The following CFAP299 variants were observed in gnomAD, a reference collection of about 807,000 sequenced individuals.
CFAP299 encodes the protein cilia- and flagella-associated protein 299.
Under a neutral mutation model 27.0 loss-of-function variants are expected in CFAP299, and 21 were observed. The observed-to-expected ratio is 0.78, with a 90% CI of 0.55 to 1.12. The LOEUF (loss-of-function observed/expected upper bound fraction) is 1.12. Ranked by LOEUF, CFAP299 falls within the 50% of genes most tolerant of loss-of-function variation. CFAP299 has a pLI of 0.00. For synonymous variants in CFAP299, 104 were observed against 98.1 expected, an observed-to-expected ratio of 1.06 and a Z score of -0.36; for missense variants, 310 against 276.6, an observed-to-expected ratio of 1.12 and a Z score of -0.86.
intron 3 of CFAP299, among the ~76,000 whole-genome samples, chr4:80,676,609 T>A (rs1719476059): frequency 6.6e-6 from 1 of 152,128 alleles, no homozygotes; most frequent in Non-Finnish European, 1.5e-5. Context: ...AAGACTTTTT[T>A]ATTATAGCTT....
chr4:80,875,042 G>A (rs148682122), intron 4 of CFAP299, among the ~76,000 whole-genome samples: 2 of 151,560 alleles, frequency 1.3e-5, no homozygotes, highest in African/African-American at 2.4e-5. Context: ...TTTTTAATGC[G>A]ACTACTAGAA....
chr4:80,788,004 A>G (rs1025950840), intron 3 of CFAP299, among the ~76,000 whole-genome samples: 1 of 151,946 alleles, frequency 6.6e-6, no homozygotes, highest in African/African-American at 2.4e-5. Context: ...AAAATTACTA[A>G]AATACAGATT....
At chr4:80,455,448 A>C (rs1483940612) in intron 2 of CFAP299, among the ~76,000 whole-genome samples, 1 of 152,158 alleles carries the variant, frequency 6.6e-6, no homozygotes, top group African/African-American at 2.4e-5. Context: ...ATACATATTA[A>C]TAAACTCCCT....
At chr4:80,672,176 C>T (rs928409504) in intron 3 of CFAP299, among the ~76,000 whole-genome samples, 1 of 152,224 alleles carries the variant, frequency 6.6e-6, no homozygotes, top group Admixed American at 6.5e-5. Flanking sequence ...CAGATATGTT[C>T]CATCAATACC....
intron 3 of CFAP299, among the ~76,000 whole-genome samples, chr4:80,729,610 T>G (rs912904043): frequency 7.0e-6 from 1 of 142,364 alleles, no homozygotes; most frequent in Non-Finnish European, 1.5e-5. Flanking sequence ...TTTTTTTTTT[T>G]TTTTTTTGAG....
At chr4:80,346,612 C>G (rs771949532) in intron 1 of CFAP299, among the ~76,000 whole-genome samples, 26 of 148,960 alleles carry the variant, frequency 1.7e-4, no homozygotes, top group Non-Finnish European at 3.3e-4. Flanking sequence ...TCTTAGGCCC[C>G]TGTTCTGTTC....
In CFAP299 at chr4:80,871,171, T is replaced by C. The variant is rs920026923; in HGVS notation, c.476+1036T>C. 26 of 970,142 alleles carry C rather than the reference T, an allele frequency of 2.7e-5. No homozygotes were observed. The African/African-American group carries it at 4.0e-4, about 15-fold the overall frequency. The allele number at this position is 970,142 out of a possible 1,614,324, so 60.1% of individuals were successfully genotyped here. A position where few individuals can be genotyped will look rare whatever the true frequency, so the allele number is the denominator to read the frequency against. ...ATCCACCGGCCTCAGCCTCCCAAAG[T>C]GCTGGGATTACAGGCGTCAGCCACC... is the stretch of plus-strand genomic sequence containing the variant. On this transcript the variant is annotated intron_variant, in intron 4 of 5. Transcript: ENST00000358105.
At chr4:80,710,640 C>T (rs1266373092) in intron 3 of CFAP299, among the ~76,000 whole-genome samples, 2 of 150,390 alleles carry the variant, frequency 1.3e-5, no homozygotes, top group Non-Finnish European at 2.9e-5. Flanking sequence ...TTAGAGGAAG[C>T]GTACATTCCC....
intron 4 of CFAP299, among the ~76,000 whole-genome samples, chr4:80,875,117 C>T (rs571597424): frequency 5.3e-5 from 8 of 152,208 alleles, no homozygotes; most frequent in African/African-American, 1.9e-4. Context: ...CATTAAGCAA[C>T]ACTCTTCTGG....
chr4:80,861,621 C>A (rs1172160357), intron 3 of CFAP299, among the ~76,000 whole-genome samples: 1 of 152,130 alleles, frequency 6.6e-6, no homozygotes, highest in African/African-American at 2.4e-5. Flanking sequence ...ATGAAAGATA[C>A]CCACTTGTGT....
chr4:80,469,387 T>C (rs1729873340), intron 2 of CFAP299, among the ~76,000 whole-genome samples: 1 of 152,210 alleles, frequency 6.6e-6, no homozygotes, highest in African/African-American at 2.4e-5. Flanking sequence ...TATTTACTAT[T>C]TATGTGACCC....
chr4:80,602,843 A>G (rs1250630612), intron 3 of CFAP299, among the ~76,000 whole-genome samples: 2 of 152,138 alleles, frequency 1.3e-5, no homozygotes, highest in Non-Finnish European at 2.9e-5. Flanking sequence ...TACTGACTCA[A>G]GGCCCTTCTC....
chr4:80,433,890 A>G (rs751735536), intron 2 of CFAP299, among the ~76,000 whole-genome samples: 32 of 152,108 alleles, frequency 2.1e-4, no homozygotes, highest in African/African-American at 5.1e-4. Flanking sequence ...AATGCTGTCA[A>G]CCTCTTCTGT....
intron 3 of CFAP299, among the ~76,000 whole-genome samples, chr4:80,616,266 A>G (rs1206249932): frequency 6.6e-5 from 10 of 152,214 alleles, no homozygotes; most frequent in South Asian, 6.2e-4. Flanking sequence ...AATATGCAAA[A>G]TAGATAATTT....
intron 3 of CFAP299, among the ~76,000 whole-genome samples, chr4:80,741,491 G>C (rs776875097): frequency 6.6e-6 from 1 of 152,072 alleles, no homozygotes; most frequent in Non-Finnish European, 1.5e-5. Flanking sequence ...TGGGAGCTAG[G>C]GCCTGGAATG....
At chr4:80,668,590 T>C (rs1741261559) in intron 3 of CFAP299, among the ~76,000 whole-genome samples, 1 of 152,180 alleles carries the variant, frequency 6.6e-6, no homozygotes, top group African/African-American at 2.4e-5. Flanking sequence ...TTGGAAACTT[T>C]GTTGAAAATG....
At chr4:80,783,584 G>C (rs564299461) in intron 3 of CFAP299, among the ~76,000 whole-genome samples, 1 of 152,074 alleles carries the variant, frequency 6.6e-6, no homozygotes, top group Non-Finnish European at 1.5e-5. Context: ...TTCTGAAATA[G>C]GTCTTTGTTT....
intron 3 of CFAP299, among the ~76,000 whole-genome samples, chr4:80,865,924 TG>T (rs1336686637): frequency 5.7e-5 from 1 of 17,688 alleles, no homozygotes; most frequent in African/African-American, 1.8e-4. Flanking sequence ...TGTTGTGGGG[TG>T]GGGGGAGGGG....
chr4:80,908,388 T>C (rs1242164880), intron 4 of CFAP299, among the ~76,000 whole-genome samples: 1 of 152,238 alleles, frequency 6.6e-6, no homozygotes, highest in Non-Finnish European at 1.5e-5. Flanking sequence ...AAACATATTT[T>C]CTTCTTACTT....
Sources: gnomAD v4.1 joint callset for allele counts (sites outside exome capture counted in the v4.1 genomes callset) on GRCh38, gnomAD v4.1.1 for gene constraint, MANE v1.5 for transcripts, NCBI Gene and HGNC (gene_info 2026-07-23, HGNC 2026-07-21) for gene names.